PLCE1: variants seen among roughly 807,000 people sequenced by gnomAD.
PLCE1 encodes the protein phospholipase C epsilon 1, also known as 1-phosphatidylinositol 4,5-bisphosphate phosphodiesterase epsilon-1.
A neutral mutation model predicts 242.8 loss-of-function variants in PLCE1; 119 were observed. That is an observed-to-expected ratio of 0.49 (90% CI 0.42 to 0.57). The LOEUF is 0.57. PLCE1 is among the 20% of genes least tolerant of loss of function. The probability of loss-of-function intolerance (pLI) is 0.00; values close to 1 mark genes in which losing one functional copy is unlikely to be tolerated. For missense variants in PLCE1, 2,441 were observed against 2,788.8 expected, an observed-to-expected ratio of 0.88 and a Z score of 2.81; for synonymous variants, 945 against 1,017.4, an observed-to-expected ratio of 0.93 and a Z score of 1.35.
intron 17 of PLCE1, among the ~76,000 whole-genome samples, chr10:94,270,058 T>C (rs1034682720): frequency 1.3e-5 from 2 of 152,242 alleles, no homozygotes; most frequent in Non-Finnish European, 2.9e-5. Flanking sequence ...CATGAGTTGA[T>C]AACTGTGTTT....
At chr10:94,118,369 C>T (rs532306503) in intron 2 of PLCE1, among the ~76,000 whole-genome samples, 1 of 152,268 alleles carries the variant, frequency 6.6e-6, no homozygotes, top group South Asian at 2.1e-4. Flanking sequence ...TTGTGTTCAA[C>T]ACTCAACCTC....
chr10:94,076,989 C>T (rs765723636), intron 2 of PLCE1, among the ~76,000 whole-genome samples: 13 of 152,228 alleles, frequency 8.5e-5, no homozygotes, highest in Non-Finnish European at 1.9e-4. Flanking sequence ...AAGCCTCCCA[C>T]CCACAGTTCC....
chr10:94,111,505 G>A (rs905459863), intron 2 of PLCE1, among the ~76,000 whole-genome samples: 1 of 152,196 alleles, frequency 6.6e-6, no homozygotes, highest in African/African-American at 2.4e-5. Flanking sequence ...TGTCCTCAGA[G>A]CCTAGGGCAG....
At chr10:94,072,260 C>T (rs1244433758) in intron 2 of PLCE1, among the ~76,000 whole-genome samples, 4 of 151,760 alleles carry the variant, frequency 2.6e-5, no homozygotes, top group Admixed American at 1.3e-4. Flanking sequence ...CCATTTCTTT[C>T]TTTCTTTCTT....
Position 94,184,557 on chromosome 10 carries a change from T to A in PLCE1, c.1809+13061T>A, listed in dbSNP as rs560491851. On this transcript the variant is annotated intron_variant, in intron 4 of 32. Coordinates refer to ENST00000371380, the MANE Select transcript of PLCE1 (RefSeq NM_016341.4). ...GTTGGCCAGGCTGGTTTTGAACTCC[T>A]GTCCTTAGGTGATCTGCCTGCCTCA... is the stretch of plus-strand genomic sequence containing the variant. 2.0e-5 allele frequency among the ~76,000 whole-genome samples: 3 copies of A among 152,318 alleles called. No individual in the cohort carries two copies. The South Asian group carries it at 6.2e-4, about 32-fold the overall frequency.
intron 3 of PLCE1, among the ~76,000 whole-genome samples, chr10:94,162,416 T>C (rs2047647453): frequency 6.6e-6 from 1 of 152,266 alleles, no homozygotes; most frequent in South Asian, 2.1e-4. Context: ...TTTATCCATT[T>C]CTTCTAGATT....
chr10:94,327,548 G>C (rs1342637590), intron 32 of PLCE1, among the ~76,000 whole-genome samples: 1 of 152,088 alleles, frequency 6.6e-6, no homozygotes, highest in African/African-American at 2.4e-5. Flanking sequence ...CAAAAAGAAA[G>C]TTAGTTTAGT....
chr10:94,240,811 A>C (rs2050481555), intron 7 of PLCE1, among the ~76,000 whole-genome samples: 3 of 151,954 alleles, frequency 2.0e-5, no homozygotes, highest in African/African-American at 2.4e-5. Flanking sequence ...TTCTATTTTT[A>C]CTCCTTGGTC....
chr10:94,087,026 AT>A (rs754973240), intron 2 of PLCE1, among the ~76,000 whole-genome samples: 2 of 152,274 alleles, frequency 1.3e-5, no homozygotes, highest in South Asian at 2.1e-4. Flanking sequence ...TTAAAAAAAA[AT>A]AACTCACCCA....
At chr10:94,054,532 A>C (rs1041864443) in intron 2 of PLCE1, among the ~76,000 whole-genome samples, 16 of 152,202 alleles carry the variant, frequency 1.1e-4, no homozygotes, top group African/African-American at 3.9e-4. Flanking sequence ...GAGCACCTGC[A>C]GGTGACTCAG....
At chr10:94,241,040 C>T (rs1353483092) in intron 7 of PLCE1, among the ~76,000 whole-genome samples, 1 of 152,174 alleles carries the variant, frequency 6.6e-6, no homozygotes, top group African/African-American at 2.4e-5. Context: ...TACTAGTTTC[C>T]TGCTTGAAAT....
intron 2 of PLCE1, among the ~76,000 whole-genome samples, chr10:94,038,501 C>T (rs2061708641): frequency 6.6e-6 from 1 of 152,142 alleles, no homozygotes; most frequent in African/African-American, 2.4e-5. Flanking sequence ...AAGGCTCAGT[C>T]CCTTACAAGG....
chr10:94,306,330 C>A lies in PLCE1; in HGVS notation c.5623-97C>A. ...CATTCACTTTGTCCATTCCAGTGTT[C>A]TTGGGATTCCTTTGCAGAGGGAAGC... On this transcript the variant is annotated intron_variant, in intron 25 of 32. Transcript: ENST00000371380. This position sits in a 1 kb window ranked among gnomAD's most constrained non-coding sequence, Gnocchi z 5.7. The A allele has an allele frequency of 6.3e-7, 1 of 1,592,836 alleles. No homozygotes were observed. Among genetic ancestry groups the A allele is most frequent in the Non-Finnish European group, 8.6e-7 (1 of 1,161,506 alleles).
intron 16 of PLCE1, among the ~76,000 whole-genome samples, chr10:94,267,723 C>T (rs2051567954): frequency 6.6e-6 from 1 of 152,156 alleles, no homozygotes; most frequent in Non-Finnish European, 1.5e-5. Flanking sequence ...AGATAAGCAG[C>T]TTGGTGTTCC....
At chr10:94,005,648 G>T (rs1330298272) in intron 1 of PLCE1, among the ~76,000 whole-genome samples, 1 of 152,134 alleles carries the variant, frequency 6.6e-6, no homozygotes, top group East Asian at 1.9e-4. Context: ...GGTTGGCTGG[G>T]TAGCATCTCC....
Position 94,031,446 on chromosome 10 carries a change from T to A in PLCE1, c.400T>A (p.Leu134Met). Residue 134 changes from leucine (L) to methionine (M), a missense_variant, in exon 2 of 33, where the codon TTG (leucine) becomes ATG (methionine). Transcript: ENST00000371380. ...GTACAACTCTGTTGCTGAGGAAGAC[T>A]TGTGTTTAGAAACTGGAATTCCTTC... ...EMYNSVAEED[L>M]CLETGIPSPL... 6.2e-7 allele frequency: 1 copy of A among 1,613,782 alleles called. No individual in the cohort carries two copies. The highest frequency in any genetic ancestry group is 8.5e-7 in the Non-Finnish European group (1 of 1,179,840).
chr10:94,147,964 A>G (rs972648362), intron 3 of PLCE1, among the ~76,000 whole-genome samples: 2 of 152,226 alleles, frequency 1.3e-5, no homozygotes, highest in African/African-American at 4.8e-5. Flanking sequence ...CAGTGTTTAC[A>G]TTGCAGCATG....
At position 94,252,415 on chromosome 10, in the gene PLCE1, A is replaced by G. The variant is rs746217285; in HGVS notation, c.3196A>G (p.Lys1066Glu). 84 of 1,613,822 alleles carry G rather than the reference A, an allele frequency of 5.2e-5. No homozygotes were observed. The highest frequency in any genetic ancestry group is 6.9e-5 in the Non-Finnish European group (81 of 1,179,828). ...AAACCCCAGCCCCGGAACATCAGCA[A>G]AGAATGCTGAGAAGCCCAATATGCA... is the stretch of plus-strand genomic sequence containing the variant. ...ARNPSPGTSA[K>E]NAEKPNMQRN... Residue 1066 changes from lysine (K) to glutamate (E), a missense_variant, in exon 9 of 33, where the codon AAG becomes GAG. Physicochemically the swap from Lys to Glu is moderately conservative, Grantham distance 56 (BLOSUM62 1). Around this residue, in one of 5 missense-constraint regions of PLCE1, gnomAD observed 1,004 missense variants for 1,322.7 expected, o/e 0.76. Coordinates refer to ENST00000371380, the MANE Select transcript of PLCE1 (RefSeq NM_016341.4).
intron 4 of PLCE1, among the ~76,000 whole-genome samples, chr10:94,195,007 T>C (rs749011389): frequency 1.2e-4 from 19 of 152,156 alleles, no homozygotes; most frequent in Non-Finnish European, 2.4e-4. Context: ...GTGGTGCTGA[T>C]ATTAGGGTTG....
Sources: gnomAD v4.1 joint callset for allele counts (sites outside exome capture counted in the v4.1 genomes callset) on GRCh38, gnomAD v4.1.1 for gene constraint, gnomAD v4.1.1 regional missense constraint, Gnocchi (gnomAD v3.1) non-coding constraint, MANE v1.5 for transcripts, NCBI Gene and HGNC (gene_info 2026-07-23, HGNC 2026-07-21) for gene names.